Variants in ERICH6 observed in about 807,000 individuals in gnomAD.
ERICH6 encodes the protein glutamate-rich protein 6.
Under a neutral mutation model 71.0 loss-of-function variants are expected in ERICH6, and 71 were observed. The ratio of observed to expected loss-of-function variants is 1.00; its 90% CI spans 0.83 to 1.22. The LOEUF (loss-of-function observed/expected upper bound fraction) is 1.22. Among genes scored for constraint, ERICH6 ranks in the 50% most tolerant of loss-of-function variants. The pLI is 0.00. For missense variants in ERICH6, 808 were observed against 797.2 expected (o/e 1.01, Z -0.16); for synonymous variants, 262 against 278.4 (o/e 0.94, Z 0.59).
intron 7 of ERICH6, among the ~76,000 whole-genome samples, 184 bp downstream of exon 7, chr3:150,682,034 C>T (rs1408919510): frequency 6.6e-6 from 1 of 151,992 alleles, no homozygotes; most frequent in Non-Finnish European, 1.5e-5. Flanking sequence ...AGGCTGGTCT[C>T]GAACTCCTGA....
intron 3 of ERICH6, among the ~76,000 whole-genome samples, chr3:150,689,425 G>A (rs191959476): frequency 2.6e-5 from 4 of 152,242 alleles, no homozygotes; most frequent in African/African-American, 4.8e-5. Flanking sequence ...CCTGGGTTTT[G>A]TTCCTAAATC....
intron 10 of ERICH6, among the ~76,000 whole-genome samples, chr3:150,675,205 A>C (rs1044098898): frequency 1.3e-5 from 2 of 152,192 alleles, no homozygotes; most frequent in Non-Finnish European, 1.5e-5. Context: ...ACTTCTGTGA[A>C]ATTTTGCTTC....
At position 150,689,367 on chromosome 3, in the gene ERICH6, C is replaced by T. The variant is rs114621182; in HGVS notation, c.554-3013G>A. Among the ~76,000 whole-genome samples, 539 of 152,306 alleles carry T rather than the reference C, an allele frequency of 3.5e-3. 5 individuals are homozygous for T. The highest frequency in any genetic ancestry group is 0.013 in the African/African-American group (522 of 41,560). On this transcript the variant is annotated intron_variant, in intron 3 of 13. Coordinates refer to ENST00000295910, the MANE Select transcript of ERICH6 (RefSeq NM_152394.5). ...CTGAAACAGTGGTTGTTGCCTCATG[C>T]TGCCGTTCCATAGCTAAGGTTTTGC...
intron 13 of ERICH6, among the ~76,000 whole-genome samples, chr3:150,663,898 A>C (rs1485068877): frequency 6.6e-6 from 1 of 152,182 alleles, no homozygotes; most frequent in Non-Finnish European, 1.5e-5. Flanking sequence ...GGCTATCAGC[A>C]TGCAGATGAT....
intron 7 of ERICH6, 126 bp downstream of exon 7, chr3:150,682,092 G>A (rs951995294): frequency 2.5e-6 from 2 of 792,552 alleles, no homozygotes; most frequent in African/African-American, 3.5e-5. Flanking sequence ...TAGGATTACA[G>A]GTGTGAGCCA....
At chr3:150,684,228 A>G (rs949333758) in intron 6 of ERICH6, among the ~76,000 whole-genome samples, 3 of 152,186 alleles carry the variant, frequency 2.0e-5, no homozygotes, top group Non-Finnish European at 4.4e-5. Context: ...TTTTCAATAA[A>G]TAAATAAAAA....
intron 13 of ERICH6, among the ~76,000 whole-genome samples, chr3:150,665,705 T>C (rs1427559743): frequency 6.0e-5 from 9 of 150,280 alleles, no homozygotes; most frequent in African/African-American, 2.2e-4. Flanking sequence ...TGGGCGCCTG[T>C]AGTCCCAGCT....
Position 150,698,748 on chromosome 3 carries a change from C to A in ERICH6, c.553+43G>T, listed in dbSNP as rs761962529. 5 of 1,501,004 alleles carry A rather than the reference C, an allele frequency of 3.3e-6. No homozygotes were observed. The South Asian group carries it at 4.5e-5, about 14-fold the overall frequency. The allele number at this position is 1,501,004 out of a possible 1,614,324, so 93.0% of individuals were successfully genotyped here. A position where few individuals can be genotyped will look rare whatever the true frequency, so the allele number is the denominator to read the frequency against. ...CTACACCTGTGATATTTCCAACATG[C>A]AATCCCTCCTCCCAGGAAAAGCTAA... On this transcript the variant is annotated intron_variant, in intron 3 of 13. Transcript: ENST00000295910.
intron 3 of ERICH6, among the ~76,000 whole-genome samples, chr3:150,694,412 C>T (rs1712573963): frequency 6.6e-6 from 1 of 152,166 alleles, no homozygotes; most frequent in Non-Finnish European, 1.5e-5. Flanking sequence ...AACCACTTTT[C>T]CTTTTGTTCC....
rs34624356 is a variant in ERICH6 at position 150,700,241 on chromosome 3, ATTTTTTTTTTTT to A, written c.462-1371_462-1360del. 2.7e-5 allele frequency among the ~76,000 whole-genome samples: 3 copies of A among 110,962 alleles called. 1 individual carries two copies. Among genetic ancestry groups the A allele is most frequent in the South Asian group, 5.9e-4 (2 of 3,414 alleles). The allele number at this position is 110,962 out of a possible 152,430, so 72.8% of individuals were successfully genotyped here. On this transcript the variant is annotated intron_variant, in intron 2 of 13. Transcript: ENST00000295910. ...AGGCGTCCGCCACCATGCCCGGCTA[ATTTTTTTTTTTT>A]TTTTTTTTTTTTTGTATTTTTAGTA...
chr3:150,692,907 T>C (rs369875983), intron 3 of ERICH6, among the ~76,000 whole-genome samples: 1 of 152,060 alleles, frequency 6.6e-6, no homozygotes, highest in African/African-American at 2.4e-5. Flanking sequence ...GACATCAGAA[T>C]AGAGGAAAAG....
intron 11 of ERICH6, among the ~76,000 whole-genome samples, chr3:150,671,609 G>GTTTA (rs1413497441): frequency 2.0e-5 from 3 of 152,070 alleles, no homozygotes; most frequent in Non-Finnish European, 2.9e-5. Flanking sequence ...AGCCCTATAT[G>GTTTA]TTTATTTATT....
At chr3:150,672,292 A>ATATATATATATAT (rs1711510240) in intron 11 of ERICH6, among the ~76,000 whole-genome samples, 1 of 83,182 alleles carries the variant, frequency 1.2e-5, no homozygotes, top group African/African-American at 5.6e-5. Context: ...CATACACAGA[A>ATATATATATATAT]AAAACATTTT....
Position 150,680,830 on chromosome 3 carries a change from T to C in ERICH6, c.983A>G (p.His328Arg), listed in dbSNP as rs1389893844. Residue 328 changes from histidine to arginine, a missense_variant, in exon 8 of 14, where the codon CAT (histidine) becomes CGT (arginine). His to Arg is a conservative substitution (Grantham distance 29). This residue lies in a region of ERICH6 where 736 missense variants were observed against 712.2 expected (regional missense o/e 1.03). Coordinates refer to ENST00000295910, the MANE Select transcript of ERICH6 (RefSeq NM_152394.5). The part of the protein sequence containing the change: ...PKAELIAIDP[H>R]AAHGSEVDRL... The stretch of plus-strand genomic sequence containing the variant: ...GTCGACCTCACTACCATGGGCTGCA[T>C]GAGGGTCAATAGCAATTAATTCAGC... 6.2e-7 allele frequency: 1 copy of C among 1,614,044 alleles called. No individual in the cohort carries two copies. Among genetic ancestry groups the C allele is most frequent in the Non-Finnish European group, 8.5e-7 (1 of 1,180,042 alleles).
At chr3:150,675,937 TGAGA>T (rs1711636561) in intron 10 of ERICH6, among the ~76,000 whole-genome samples, 1 of 151,524 alleles carries the variant, frequency 6.6e-6, no homozygotes, top group African/African-American at 2.4e-5. Context: ...TCATACTGCT[TGAGA>T]TCACTGGGAT....
At chr3:150,676,695 T>G (rs919464383) in intron 10 of ERICH6, among the ~76,000 whole-genome samples, 9 of 152,106 alleles carry the variant, frequency 5.9e-5, no homozygotes, top group African/African-American at 1.7e-4. Context: ...CAGGCTGGAG[T>G]GCATGATCAT....
chr3:150,696,812 T>G (rs2108076897), intron 3 of ERICH6, among the ~76,000 whole-genome samples: 1 of 152,220 alleles, frequency 6.6e-6, no homozygotes, highest in Middle Eastern at 3.4e-3. Context: ...AAAAGGGTGG[T>G]CTCAACAACC....
At chr3:150,702,573 G>T (rs1712932125) in intron 1 of ERICH6, among the ~76,000 whole-genome samples, 1 of 152,150 alleles carries the variant, frequency 6.6e-6, no homozygotes, top group Non-Finnish European at 1.5e-5. Flanking sequence ...ACCGCGCCCG[G>T]CCTGGAGACA....
In ERICH6 at chr3:150,703,756, A is replaced by ACCTCTTCCTCCTCCTCCTCCT. The variant is rs1713049500; in HGVS notation, c.142_143insAGGAGGAGGAGGAGGAAGAGG (p.Glu47_Val48insGluGluGluGluGluGluGlu). On this transcript the variant is annotated inframe_insertion, in exon 1 of 14. Coordinates refer to ENST00000295910, the MANE Select transcript of ERICH6 (RefSeq NM_152394.5). ...CACCACCTCCTCCTCCTCCTCCTCC[A>ACCTCTTCCTCCTCCTCCTCCT]CCTCTTCCTCCTCCTCCTCCACCTC... 1 of 1,536,092 alleles carries ACCTCTTCCTCCTCCTCCTCCT rather than the reference A, an allele frequency of 6.5e-7. No individual in the cohort carries two copies. The highest frequency in any genetic ancestry group is 2.0e-5 in the African/African-American group (1 of 50,870).
Sources: allele counts gnomAD v4.1 joint callset (sites outside exome capture counted in the v4.1 genomes callset), GRCh38; gene constraint gnomAD v4.1.1; regional missense constraint gnomAD v4.1.1; transcripts MANE v1.5; gene names NCBI Gene and HGNC (gene_info 2026-07-23, HGNC 2026-07-21).